Variants in ERF observed in about 807,000 individuals in gnomAD.
ERF encodes ETS domain-containing transcription factor ERF.
A neutral mutation model predicts 41.6 loss-of-function variants in ERF; 10 were observed. The observed-to-expected ratio is 0.24, with a 90% CI of 0.15 to 0.41. ERF has a LOEUF of 0.41. Ranked by LOEUF, ERF falls within the 10% of genes least tolerant of loss-of-function variation. ERF has a pLI of 1.00. For synonymous variants in ERF, 395 were observed against 342.4 expected (o/e 1.15, Z -1.70); for missense variants, 621 against 763.2 (o/e 0.81, Z 2.19).
chr19:42,250,651 G>A lies in ERF; in HGVS notation c.23-86C>T. On this transcript the variant is annotated intron_variant, in intron 1 of 3. Coordinates refer to ENST00000222329, the MANE Select transcript of ERF (RefSeq NM_006494.4). This position sits in a 1 kb window ranked among gnomAD's most constrained non-coding sequence, Gnocchi z 5.1. ...CCATCCCAGGGTCCACCTCTGCCCT[G>A]CCTTCAACATGGGGAAATCTGTCTC... 2 of 1,300,496 alleles carry A rather than the reference G, an allele frequency of 1.5e-6. No individual in the cohort carries two copies. Among genetic ancestry groups the A allele is most frequent in the South Asian group, 2.7e-5 (2 of 72,964 alleles). 80.6% of individuals were successfully genotyped at this position (1,300,496 alleles called of 1,614,324 possible). A position where few individuals can be genotyped will look rare whatever the true frequency, so the allele number is the denominator to read the frequency against.
Position 42,249,327 on chromosome 19 carries a change from G to A in ERF, c.785C>T (p.Pro262Leu), listed in dbSNP as rs769674715. ...CATGGGCAGAGCCGGGGAGAGCTGA[G>A]GGGGCAGCAGGGATCCAGGACCGGC... ...PLAGPGSLLP[P>L]QLSPALPMTP... The change falls in exon 4 of 4, where the codon CCT becomes CTT. Residue 262 changes from proline (P) to leucine (L), a missense_variant. Physicochemically the swap from Pro to Leu is moderately conservative, Grantham distance 98. This residue lies in a region of ERF where 569 missense variants were observed against 625.5 expected (regional missense o/e 0.91). Coordinates refer to ENST00000222329, the MANE Select transcript of ERF (RefSeq NM_006494.4). This position sits in a 1 kb window ranked among gnomAD's most constrained non-coding sequence, Gnocchi z 8.6. 42 of 1,586,992 alleles carry A rather than the reference G, an allele frequency of 2.6e-5. No homozygotes were observed. The highest frequency in any genetic ancestry group is 7.9e-5 in the South Asian group (7 of 88,456).
chr19:42,254,682 A>C, intron 1 of ERF: 2 of 274,166 alleles, frequency 7.3e-6, no homozygotes, highest in East Asian at 6.6e-5. Context: ...GAGGGGAAGG[A>C]CCCCGCCACC....
Position 42,248,328 on chromosome 19 carries a change from T to A in ERF, c.*137A>T. 1.3e-6 allele frequency: 1 copy of A among 742,930 alleles called. No homozygotes were observed. Among genetic ancestry groups the A allele is most frequent in the Non-Finnish European group, 1.9e-6 (1 of 532,212 alleles). The allele number at this position is 742,930 out of a possible 1,614,324, so 46.0% of individuals were successfully genotyped here. On this transcript the variant is annotated 3_prime_UTR_variant, in exon 4 of 4. Coordinates refer to ENST00000222329, the MANE Select transcript of ERF (RefSeq NM_006494.4). This position sits in a 1 kb window ranked among gnomAD's most constrained non-coding sequence, Gnocchi z 4.2. Reference sequence around the variant, plus strand: ...TTAAAAAAAAGAAATTAAAGTTTTATACAAAATGTGGGGAGGGAAAAGGGA... The same window carrying A: ...TTAAAAAAAAGAAATTAAAGTTTTAAACAAAATGTGGGGAGGGAAAAGGGA...
In ERF at chr19:42,250,046, G is replaced by A. The variant is rs1199381001; in HGVS notation, c.258-104C>T. Reference sequence around the variant, plus strand: ...GGTGTGGTTCCCAAAGGCCAACTGAGGAACGTAGGCCACAAAAGACAAATC... The same window carrying A: ...GGTGTGGTTCCCAAAGGCCAACTGAAGAACGTAGGCCACAAAAGACAAATC... On this transcript the variant is annotated intron_variant, in intron 2 of 3. Transcript: ENST00000222329. The surrounding 1 kb of genome is among the most constrained non-coding windows in gnomAD (Gnocchi z 5.1). 3.9e-5 allele frequency: 45 copies of A among 1,139,266 alleles called. No individual in the cohort carries two copies. Among genetic ancestry groups the A allele is most frequent in the Non-Finnish European group, 1.6e-5 (12 of 755,588 alleles). The allele number at this position is 1,139,266 out of a possible 1,614,324, so 70.6% of individuals were successfully genotyped here.
chr19:42,249,925 C>T lies in ERF; in HGVS notation c.275G>A (p.Arg92His), dbSNP rs1381343253. The stretch of plus-strand genomic sequence containing the variant: ...TTTCCCCTTGGTCTTGTGCAGAATG[C>T]GCTTGTTATAGTAATAGCTGTGGGT... Reference protein sequence around the residue: ...SRALRYYYNKRILHKTKGKRF... With the variant: ...SRALRYYYNKHILHKTKGKRF... The change falls in exon 3 of 4, where the codon CGC becomes CAC. Residue 92 changes from arginine to histidine, a missense_variant. Arg to His is a conservative substitution (Grantham distance 29). This residue lies in a region of ERF where 18 missense variants were observed against 80.8 expected (regional missense o/e 0.22). Transcript: ENST00000222329. The surrounding 1 kb of genome is among the most constrained non-coding windows in gnomAD (Gnocchi z 8.6). 7 of 1,614,056 alleles carry T rather than the reference C, an allele frequency of 4.3e-6. No individual in the cohort carries two copies. Among genetic ancestry groups the T allele is most frequent in the East Asian group, 2.2e-5 (1 of 44,886 alleles).
rs575466069 is a variant in ERF, at chr19:42,254,910, C to A, written c.22+68G>T. On this transcript the variant is annotated intron_variant, in intron 1 of 3. Coordinates refer to ENST00000222329, the MANE Select transcript of ERF (RefSeq NM_006494.4). ...GGCTCCCCCGGACCCCTTCAGCCCCCCCAAAGTTTCTCCGTTCGGTTTCCC... is the reference window on the plus strand; with the variant it reads ...GGCTCCCCCGGACCCCTTCAGCCCCACCAAAGTTTCTCCGTTCGGTTTCCC... 9.4e-5 allele frequency: 141 copies of A among 1,495,406 alleles called. 1 individual carries two copies. The highest frequency in any genetic ancestry group is 9.1e-4 in the African/African-American group (62 of 67,792). The allele number at this position is 1,495,406 out of a possible 1,614,324, so 92.6% of individuals were successfully genotyped here.
intron 1 of ERF, among the ~76,000 whole-genome samples, chr19:42,251,908 C>T (rs2036451885): frequency 6.6e-6 from 1 of 152,074 alleles, no homozygotes. Context: ...CCCCGGAGTC[C>T]CTGCCCCATT....
rs562876278 is a variant in ERF, at chr19:42,248,765, T to C, written c.1347A>G (p.Glu449=). The C allele has an allele frequency of 6.2e-6, 10 of 1,613,536 alleles. No homozygotes were observed. The African/African-American group carries it at 1.3e-4, about 22-fold the overall frequency. The change falls in exon 4 of 4, where the codon GAA becomes GAG. Residue 449 remains glutamate, a synonymous_variant. Coordinates refer to ENST00000222329, the MANE Select transcript of ERF (RefSeq NM_006494.4). The surrounding 1 kb of genome is among the most constrained non-coding windows in gnomAD (Gnocchi z 4.2). ...GGGGCGTCTTGAACACCTCCCCGTC[T>C]TCCTCATCCTCATCACTGATGTCAG... is the stretch of plus-strand genomic sequence containing the variant. ...EVTDISDEDE[E]DGEVFKTPRA...
At position 42,248,102 on chromosome 19, in the gene ERF, C is replaced by T. The variant is rs2036359982; in HGVS notation, c.*363G>A. 5.1e-6 allele frequency: 1 copy of T among 196,010 alleles called. No homozygotes were observed. Among genetic ancestry groups the T allele is most frequent in the Admixed American group, 6.1e-5 (1 of 16,420 alleles). 12.1% of individuals were successfully genotyped at this position (196,010 alleles called of 1,614,324 possible). ...GCAGAGAACAGGGAGGGAGACAAGG[C>T]TTTACTTCCTAAGCGATTGTAATAG... On this transcript the variant is annotated 3_prime_UTR_variant, in exon 4 of 4. Coordinates refer to ENST00000222329, the MANE Select transcript of ERF (RefSeq NM_006494.4). The surrounding 1 kb of genome is among the most constrained non-coding windows in gnomAD (Gnocchi z 4.2).
chr19:42,254,905 G>GC lies in ERF; in HGVS notation c.22+72dup, dbSNP rs536126230. 1.4e-4 allele frequency: 212 copies of GC among 1,472,266 alleles called. 2 individuals are homozygous for GC. The East Asian group carries it at 4.0e-3, about 28-fold the overall frequency. The allele number at this position is 1,472,266 out of a possible 1,614,324, so 91.2% of individuals were successfully genotyped here. ...ACTCGGGCTCCCCCGGACCCCTTCAGCCCCCCCAAAGTTTCTCCGTTCGGT... is the reference window on the plus strand; with the variant it reads ...ACTCGGGCTCCCCCGGACCCCTTCAGCCCCCCCCAAAGTTTCTCCGTTCGGT... On this transcript the variant is annotated intron_variant, in intron 1 of 3. Coordinates refer to ENST00000222329, the MANE Select transcript of ERF (RefSeq NM_006494.4).
Position 42,250,030 on chromosome 19 carries a change from C to A in ERF, c.258-88G>T. On this transcript the variant is annotated intron_variant, in intron 2 of 3. Coordinates refer to ENST00000222329, the MANE Select transcript of ERF (RefSeq NM_006494.4). The surrounding 1 kb of genome is among the most constrained non-coding windows in gnomAD (Gnocchi z 5.1). ...CCTTAACACGCACTTAGGTGTGGTT[C>A]CCAAAGGCCAACTGAGGAACGTAGG... is the stretch of plus-strand genomic sequence containing the variant. 2.3e-6 allele frequency: 3 copies of A among 1,295,388 alleles called. No individual in the cohort carries two copies. Among genetic ancestry groups the A allele is most frequent in the Non-Finnish European group, 3.4e-6 (3 of 892,712 alleles). 80.2% of individuals were successfully genotyped at this position (1,295,388 alleles called of 1,614,324 possible). A position where few individuals can be genotyped will look rare whatever the true frequency, so the allele number is the denominator to read the frequency against.
chr19:42,253,512 G>A (rs777522799), intron 1 of ERF, among the ~76,000 whole-genome samples: 2 of 152,130 alleles, frequency 1.3e-5, no homozygotes, highest in Admixed American at 6.5e-5. Context: ...GTAGCAGGGA[G>A]AGAAGATGAA....
At chr19:42,254,783 C>T (rs992301751) in intron 1 of ERF, 195 bp downstream of exon 1, 1 of 555,012 alleles carries the variant, frequency 1.8e-6, no homozygotes. Context: ...CCACTCCGCC[C>T]GGAGCCAGGA....
In ERF at chr19:42,248,398, T is replaced by C; in HGVS notation, c.*67A>G. 1 of 1,372,084 alleles carries C rather than the reference T, an allele frequency of 7.3e-7. No homozygotes were observed. The highest frequency in any genetic ancestry group is 2.6e-5 in the East Asian group (1 of 38,888). 85.0% of individuals were successfully genotyped at this position (1,372,084 alleles called of 1,614,324 possible). A position where few individuals can be genotyped will look rare whatever the true frequency, so the allele number is the denominator to read the frequency against. ...GAGAGCTGCCCTCACCTCCAGGGCA[T>C]AGGGGGCTTAAGGCAGCAAAAGAAG... On this transcript the variant is annotated 3_prime_UTR_variant, in exon 4 of 4. Coordinates refer to ENST00000222329, the MANE Select transcript of ERF (RefSeq NM_006494.4). The surrounding 1 kb of genome is among the most constrained non-coding windows in gnomAD (Gnocchi z 4.2).
chr19:42,253,318 G>C (rs976838287), intron 1 of ERF, among the ~76,000 whole-genome samples: 1 of 152,156 alleles, frequency 6.6e-6, no homozygotes, highest in Non-Finnish European at 1.5e-5. Flanking sequence ...GAGAGGGACC[G>C]GGATGGAGAA....
At chr19:42,254,940 C>T in intron 1 of ERF, 38 bp downstream of exon 1, 2 of 1,518,434 alleles carry the variant, frequency 1.3e-6, no homozygotes, top group Non-Finnish European at 1.8e-6. Context: ...TTTCCCGGGG[C>T]AACAAGTCTC....
intron 1 of ERF, among the ~76,000 whole-genome samples, chr19:42,254,246 C>A (rs1294394161): frequency 6.6e-6 from 1 of 151,328 alleles, no homozygotes; most frequent in South Asian, 2.1e-4. Flanking sequence ...GGAGCCTCTG[C>A]GTCTCCCCCC....
In ERF at chr19:42,250,255, G is replaced by C; in HGVS notation, c.257+76C>G. ...AAGCCAGGGGTCAGACCCAATGCTT[G>C]TTCCCACAGGCAAGGGGCTGTGCAA... On this transcript the variant is annotated intron_variant, in intron 2 of 3. Coordinates refer to ENST00000222329, the MANE Select transcript of ERF (RefSeq NM_006494.4). This position sits in a 1 kb window ranked among gnomAD's most constrained non-coding sequence, Gnocchi z 5.1. 2 of 1,524,410 alleles carry C rather than the reference G, an allele frequency of 1.3e-6. No individual in the cohort carries two copies. Among genetic ancestry groups the C allele is most frequent in the Non-Finnish European group, 1.8e-6 (2 of 1,117,882 alleles). 94.4% of individuals were successfully genotyped at this position (1,524,410 alleles called of 1,614,324 possible).
rs138540323 is a variant in ERF, at chr19:42,248,630, G to C, written c.1482C>G (p.Leu494=). ...CCCCAGCGGGGCCCCCACCCCCTTC[G>C]AGGCGACAGTCTTCACTCCAGCGCC... is the stretch of plus-strand genomic sequence containing the variant. The part of the protein sequence containing the change: ...FKRRWSEDCR[L]EGGGGPAGGF... Residue 494 remains leucine, a synonymous_variant, in exon 4 of 4, where the codon CTC becomes CTG. Coordinates refer to ENST00000222329, the MANE Select transcript of ERF (RefSeq NM_006494.4). This position sits in a 1 kb window ranked among gnomAD's most constrained non-coding sequence, Gnocchi z 4.2. 25 of 1,584,908 alleles carry C rather than the reference G, an allele frequency of 1.6e-5. No individual in the cohort carries two copies. The East Asian group carries it at 5.4e-4, about 34-fold the overall frequency.
Sources: allele counts gnomAD v4.1 joint callset (sites outside exome capture counted in the v4.1 genomes callset), GRCh38; gene constraint gnomAD v4.1.1; regional missense constraint gnomAD v4.1.1; non-coding constraint Gnocchi (gnomAD v3.1); transcripts MANE v1.5; gene names NCBI Gene and HGNC (gene_info 2026-07-23, HGNC 2026-07-21).